The following KLF12 variants were observed in gnomAD, a reference collection of about 807,000 sequenced individuals.
KLF12 encodes Krueppel-like factor 12.
A neutral mutation model predicts 37.8 loss-of-function variants in KLF12; 9 were observed. The observed-to-expected ratio is 0.24, with a 90% CI of 0.14 to 0.42. The LOEUF is 0.42. Ranked by LOEUF, KLF12 falls within the 10% of genes least tolerant of loss-of-function variation. The probability of loss-of-function intolerance (pLI) is 1.00; values close to 1 mark genes in which losing one functional copy is unlikely to be tolerated. For synonymous variants in KLF12, 208 were observed against 202.1 expected (o/e 1.03, Z -0.25); for missense variants, 411 against 516.0 (o/e 0.80, Z 1.97).
At position 73,691,397 on chromosome 13, in the gene KLF12, C is replaced by T. The variant is rs576739639; in HGVS notation, c.*4093G>A. Reference sequence around the variant, plus strand: ...GTCAATGATGTTTTATACTAGAATACATTTACCTGCTAAGTTTACAGGCAA... The same window carrying T: ...GTCAATGATGTTTTATACTAGAATATATTTACCTGCTAAGTTTACAGGCAA... On this transcript the variant is annotated 3_prime_UTR_variant, in exon 8 of 8. Transcript: ENST00000377669. 33 of 152,738 alleles carry T rather than the reference C, an allele frequency of 2.2e-4. No homozygotes were observed. The highest frequency in any genetic ancestry group is 7.7e-4 in the African/African-American group (32 of 41,570). The allele number at this position is 152,738 out of a possible 1,614,324, so 9.5% of individuals were successfully genotyped here.
intron 1 of KLF12, among the ~76,000 whole-genome samples, chr13:74,103,180 T>C (rs1876461717): frequency 1.3e-5 from 2 of 152,260 alleles, no homozygotes; most frequent in African/African-American, 4.8e-5. Context: ...TAAAATTATT[T>C]ATAAGTAATT....
the KLF12 span, among the ~76,000 whole-genome samples, chr13:74,224,961 A>G: frequency 2.0e-5 from 3 of 152,164 alleles, no homozygotes; most frequent in African/African-American, 2.4e-5. Context: ...GTTGTCTTCA[A>G]ATTTGCCCTT....
At chr13:74,172,579 T>A in the KLF12 span, among the ~76,000 whole-genome samples, 1 of 152,206 alleles carries the variant, frequency 6.6e-6, no homozygotes, top group Non-Finnish European at 1.5e-5. Flanking sequence ...AGATATCTTA[T>A]GCTTTCACAA....
At chr13:73,862,578 A>G (rs1355869057) in intron 3 of KLF12, among the ~76,000 whole-genome samples, 1 of 151,970 alleles carries the variant, frequency 6.6e-6, no homozygotes, top group East Asian at 1.9e-4. Flanking sequence ...TTTGTCTCTT[A>G]TTTTGTGCAA....
intron 3 of KLF12, among the ~76,000 whole-genome samples, chr13:73,862,858 A>G (rs1329432259): frequency 6.6e-6 from 1 of 152,176 alleles, no homozygotes; most frequent in Non-Finnish European, 1.5e-5. Context: ...TTTTGGTTTT[A>G]AATAATTCCT....
At chr13:73,763,257 T>C (rs182769104) in intron 6 of KLF12, among the ~76,000 whole-genome samples, 2 of 152,304 alleles carry the variant, frequency 1.3e-5, no homozygotes, top group African/African-American at 4.8e-5. Flanking sequence ...CCACATTGTA[T>C]ATTATGTGCT....
chr13:74,171,361 G>A, the KLF12 span, among the ~76,000 whole-genome samples: 4 of 152,114 alleles, frequency 2.6e-5, no homozygotes, highest in African/African-American at 4.8e-5. Flanking sequence ...ATTCTCAGAC[G>A]TTCCACACAT....
chr13:73,862,297 T>C (rs1389509312), intron 3 of KLF12, among the ~76,000 whole-genome samples: 1 of 152,156 alleles, frequency 6.6e-6, no homozygotes, highest in Non-Finnish European at 1.5e-5. Context: ...TACATTACAG[T>C]GTATTGTTTA....
intron 3 of KLF12, among the ~76,000 whole-genome samples, chr13:73,860,033 C>T (rs1381522284): frequency 4.6e-5 from 7 of 152,056 alleles, no homozygotes; most frequent in Non-Finnish European, 8.8e-5. Context: ...GCAAATAGGA[C>T]AATAAGTGAG....
chr13:74,131,017 T>C (rs1355889900), intron 1 of KLF12, among the ~76,000 whole-genome samples: 3 of 152,216 alleles, frequency 2.0e-5, no homozygotes, highest in African/African-American at 7.2e-5. Context: ...CTTAACAATA[T>C]GCCTTCACTG....
At chr13:73,896,555 T>C (rs1222644334) in intron 3 of KLF12, among the ~76,000 whole-genome samples, 2 of 152,196 alleles carry the variant, frequency 1.3e-5, no homozygotes, top group East Asian at 3.9e-4. Flanking sequence ...AAGGAATTGT[T>C]AATAGAGAAA....
At chr13:73,864,457 A>G (rs1025536717) in intron 3 of KLF12, among the ~76,000 whole-genome samples, 10 of 152,122 alleles carry the variant, frequency 6.6e-5, no homozygotes, top group African/African-American at 1.4e-4. Flanking sequence ...ACACTGGTCT[A>G]TATCTATTAT....
intron 3 of KLF12, among the ~76,000 whole-genome samples, chr13:73,900,618 G>A (rs144092326): frequency 6.6e-6 from 1 of 151,402 alleles, no homozygotes; most frequent in East Asian, 1.9e-4. Flanking sequence ...TGAAACTCCT[G>A]TATTCTCTCA....
the KLF12 span, among the ~76,000 whole-genome samples, chr13:74,254,772 G>A: frequency 1.9e-4 from 29 of 152,178 alleles, 1 homozygote; most frequent in East Asian, 4.4e-3. Context: ...CATGGTTTGC[G>A]TGTATGTGTG....
chr13:74,124,314 C>T (rs1434212891), intron 1 of KLF12, among the ~76,000 whole-genome samples: 1 of 152,188 alleles, frequency 6.6e-6, no homozygotes, highest in Non-Finnish European at 1.5e-5. Flanking sequence ...CTAAATATCC[C>T]TTCAAGCAAC....
chr13:73,919,864 C>T (rs1889030845), intron 3 of KLF12, among the ~76,000 whole-genome samples: 1 of 152,130 alleles, frequency 6.6e-6, no homozygotes, highest in Admixed American at 6.6e-5. Flanking sequence ...AGATTCTGAA[C>T]CCTTAACTGA....
In KLF12 at chr13:73,846,217, T is replaced by C; in HGVS notation, c.280A>G (p.Thr94Ala). The C allele has an allele frequency of 6.2e-7, 1 of 1,614,102 alleles. No homozygotes were observed. ...GAAACTGGGGAGGATGAAACGGCAG[T>C]AGGGGACGTCCTGGCTTTGTTTATT... Residue 94 changes from threonine to alanine, a missense_variant, in exon 4 of 8, where the codon ACT (threonine) becomes GCT (alanine). Thr to Ala is a moderately conservative substitution (Grantham distance 58). This residue lies in a region of KLF12 where 351 missense variants were observed against 397.8 expected (regional missense o/e 0.88). Coordinates refer to ENST00000377669, the MANE Select transcript of KLF12 (RefSeq NM_007249.5).
intron 2 of KLF12, among the ~76,000 whole-genome samples, chr13:73,973,840 C>A (rs868040049): frequency 6.6e-6 from 1 of 152,068 alleles, no homozygotes; most frequent in Non-Finnish European, 1.5e-5. Context: ...TGTTACAGGA[C>A]TTCCAAAAAG....
At chr13:73,965,826 C>T (rs17289662) in intron 2 of KLF12, among the ~76,000 whole-genome samples, 12,171 of 152,190 alleles carry the variant, frequency 0.08, 674 homozygotes, top group Non-Finnish European at 0.12. Flanking sequence ...CTTCAAGCTA[C>T]GAAATGACAA....
Sources: allele counts gnomAD v4.1 joint callset (sites outside exome capture counted in the v4.1 genomes callset), GRCh38; gene constraint gnomAD v4.1.1; regional missense constraint gnomAD v4.1.1; transcripts MANE v1.5; gene names NCBI Gene and HGNC (gene_info 2026-07-23, HGNC 2026-07-21).